The following VWC2 variants were observed in gnomAD, a reference collection of about 807,000 sequenced individuals.
VWC2 encodes the protein von Willebrand factor C domain containing 2.
VWC2 carries 14 observed loss-of-function variants against 29.8 expected under a neutral mutation model. The ratio of observed to expected loss-of-function variants is 0.47; its 90% CI spans 0.31 to 0.74. The LOEUF (loss-of-function observed/expected upper bound fraction) is 0.74. Ranked by LOEUF, VWC2 falls within the 30% of genes least tolerant of loss-of-function variation. The probability of loss-of-function intolerance (pLI) is 0.05; values close to 1 mark genes in which losing one functional copy is unlikely to be tolerated. For synonymous variants in VWC2, 213 were observed against 199.0 expected (o/e 1.07, Z -0.59); for missense variants, 457 against 459.8 (o/e 0.99, Z 0.05).
At chr7:49,817,319 G>C (rs953187166) in intron 3 of VWC2, among the ~76,000 whole-genome samples, 1 of 152,192 alleles carries the variant, frequency 6.6e-6, no homozygotes, top group South Asian at 2.1e-4. Context: ...TCCTCAGGCA[G>C]ATATCTTTAC....
chr7:49,777,461 C>T (rs1788077111), intron 2 of VWC2, among the ~76,000 whole-genome samples: 5 of 152,208 alleles, frequency 3.3e-5, no homozygotes, highest in Admixed American at 2.6e-4. Context: ...TTCATTCTGG[C>T]TTTACCACTA....
intron 2 of VWC2, among the ~76,000 whole-genome samples, chr7:49,799,891 G>A (rs1220228985): frequency 6.6e-6 from 1 of 152,176 alleles, no homozygotes; most frequent in African/African-American, 2.4e-5. Context: ...AAAACTGTAA[G>A]CAGTTATAAC....
intron 3 of VWC2, among the ~76,000 whole-genome samples, chr7:49,812,283 C>T (rs1300682620): frequency 6.6e-6 from 1 of 152,184 alleles, no homozygotes; most frequent in African/African-American, 2.4e-5. Context: ...TACACTTACA[C>T]TGGGTGAGTT....
In VWC2 at chr7:49,917,026, ACTTT is replaced by A. The variant is rs1793760042; in HGVS notation, c.*4845_*4848del. On this transcript the variant is annotated 3_prime_UTR_variant, in exon 4 of 4. Coordinates refer to ENST00000340652, the MANE Select transcript of VWC2 (RefSeq NM_198570.5). ...AAGTTTACAGTTTTGATATTTGTTT[ACTTT>A]CTTATTTCTAATTTTTGGAAAACAA... 6.6e-6 allele frequency: 1 copy of A among 152,098 alleles called. No homozygotes were observed. 9.4% of individuals were successfully genotyped at this position (152,098 alleles called of 1,614,324 possible). A position where few individuals can be genotyped will look rare whatever the true frequency, so the allele number is the denominator to read the frequency against.
chr7:49,891,808 G>A (rs991797657), intron 3 of VWC2, among the ~76,000 whole-genome samples: 1 of 152,106 alleles, frequency 6.6e-6, no homozygotes, highest in East Asian at 1.9e-4. Context: ...GCTTATGGAA[G>A]AATGTTTTAC....
At chr7:49,882,852 G>GT (rs953717391) in intron 3 of VWC2, among the ~76,000 whole-genome samples, 34 of 151,218 alleles carry the variant, frequency 2.2e-4, no homozygotes, top group Admixed American at 7.3e-4. Flanking sequence ...GTGTTTTTGG[G>GT]TTTTTTTTGT....
At position 49,877,481 on chromosome 7, in the gene VWC2, A is replaced by AAAATATACATATAT; in HGVS notation, c.827-34552_827-34551insAATATACATATATA. Among the ~76,000 whole-genome samples, 14 of 12,730 alleles carry AAAATATACATATAT rather than the reference A, an allele frequency of 1.1e-3. 3 individuals are homozygous for AAAATATACATATAT. The highest frequency in any genetic ancestry group is 3.9e-3 in the African/African-American group (14 of 3,604). The allele number at this position is 12,730 out of a possible 152,430, so 8.4% of individuals were successfully genotyped here. The stretch of plus-strand genomic sequence containing the variant: ...CTGTCTCAAAAAAAAAAAAAAAAAA[A>AAAATATACATATAT]ATATATATATATATATATATATATA... On this transcript the variant is annotated intron_variant, in intron 3 of 3. Transcript: ENST00000340652.
At chr7:49,907,010 T>G (rs1313201408) in intron 3 of VWC2, among the ~76,000 whole-genome samples, 1 of 152,168 alleles carries the variant, frequency 6.6e-6, no homozygotes, top group Admixed American at 6.5e-5. Flanking sequence ...ATAGAGTCCA[T>G]GTTGAATAAA....
intron 3 of VWC2, among the ~76,000 whole-genome samples, chr7:49,864,357 A>G (rs1445280185): frequency 6.6e-6 from 1 of 152,226 alleles, no homozygotes; most frequent in Non-Finnish European, 1.5e-5. Flanking sequence ...TGGATTTCCC[A>G]GGAGCCTCAG....
chr7:49,903,748 G>C (rs1160458921), intron 3 of VWC2, among the ~76,000 whole-genome samples: 1 of 152,130 alleles, frequency 6.6e-6, no homozygotes, highest in South Asian at 2.1e-4. Flanking sequence ...CAGGGTTTGT[G>C]GTCTTGCTCC....
chr7:49,827,009 T>C (rs1789409618), intron 3 of VWC2, among the ~76,000 whole-genome samples: 1 of 152,226 alleles, frequency 6.6e-6, no homozygotes, highest in East Asian at 1.9e-4. Context: ...TTCATAATTG[T>C]TTTATTAATT....
chr7:49,788,170 T>C (rs1788344211), intron 2 of VWC2, among the ~76,000 whole-genome samples: 1 of 152,224 alleles, frequency 6.6e-6, no homozygotes, highest in Non-Finnish European at 1.5e-5. Flanking sequence ...GCTCGGGCTG[T>C]GGTCCAGCAC....
chr7:49,871,326 A>C (rs1047084929), intron 3 of VWC2, among the ~76,000 whole-genome samples: 2 of 152,200 alleles, frequency 1.3e-5, no homozygotes, highest in African/African-American at 2.4e-5. Flanking sequence ...TGTGCAATTA[A>C]AACCCCTGCG....
intron 3 of VWC2, among the ~76,000 whole-genome samples, chr7:49,860,380 A>C (rs1790600800): frequency 6.6e-6 from 1 of 152,146 alleles, no homozygotes; most frequent in East Asian, 1.9e-4. Flanking sequence ...GGCTTATTTC[A>C]CTTACCATAA....
intron 3 of VWC2, among the ~76,000 whole-genome samples, chr7:49,892,513 C>A (rs985526786): frequency 1.3e-5 from 2 of 152,106 alleles, no homozygotes; most frequent in Non-Finnish European, 2.9e-5. Flanking sequence ...GATAGGCAAA[C>A]CTATTTTATT....
chr7:49,912,565 T>G lies in VWC2; in HGVS notation c.*380T>G, dbSNP rs1164863211. The stretch of plus-strand genomic sequence containing the variant: ...GTCCTCACCGTGTACCTGCATATCT[T>G]TTTCAGTTCTGATTCCATCACCCAG... On this transcript the variant is annotated 3_prime_UTR_variant, in exon 4 of 4. Coordinates refer to ENST00000340652, the MANE Select transcript of VWC2 (RefSeq NM_198570.5). 2.5e-5 allele frequency: 4 copies of G among 161,770 alleles called. No individual in the cohort carries two copies. Among genetic ancestry groups the G allele is most frequent in the Non-Finnish European group, 5.4e-5 (4 of 73,718 alleles). 10.0% of individuals were successfully genotyped at this position (161,770 alleles called of 1,614,324 possible).
intron 3 of VWC2, among the ~76,000 whole-genome samples, chr7:49,907,905 AC>A (rs894825611): frequency 6.6e-6 from 1 of 152,160 alleles, no homozygotes; most frequent in African/African-American, 2.4e-5. Context: ...CTCCAGTAGC[AC>A]GCTTCAGAGC....
At chr7:49,897,829 G>C (rs1792465545) in intron 3 of VWC2, among the ~76,000 whole-genome samples, 1 of 152,182 alleles carries the variant, frequency 6.6e-6, no homozygotes, top group African/African-American at 2.4e-5. Flanking sequence ...TCAGTCATAG[G>C]GTCACAGTTC....
intron 3 of VWC2, among the ~76,000 whole-genome samples, chr7:49,835,977 T>C (rs1014106493): frequency 1.3e-5 from 2 of 152,138 alleles, no homozygotes; most frequent in Non-Finnish European, 2.9e-5. Flanking sequence ...TAGAAGAAAA[T>C]ACAATTTTCT....
Sources: allele counts gnomAD v4.1 joint callset (sites outside exome capture counted in the v4.1 genomes callset), GRCh38; gene constraint gnomAD v4.1.1; transcripts MANE v1.5; gene names NCBI Gene and HGNC (gene_info 2026-07-23, HGNC 2026-07-21).